Variants in AFF2 observed in about 807,000 individuals in gnomAD.
The protein encoded by AFF2 is ALF transcription elongation factor 2.
A neutral mutation model predicts 76.9 loss-of-function variants in AFF2; 14 were observed. The ratio of observed to expected loss-of-function variants is 0.18; its 90% CI spans 0.12 to 0.28. AFF2 has a LOEUF of 0.28. AFF2 is among the 10% of genes least tolerant of loss of function. The probability of loss-of-function intolerance (pLI) is 1.00; values close to 1 mark genes in which losing one functional copy is unlikely to be tolerated. For synonymous variants in AFF2, 398 were observed against 366.7 expected (o/e 1.09, Z -0.98); for missense variants, 868 against 1,001.1 (o/e 0.87, Z 1.79).
At chrX:148,669,505 C>A (rs1190587365) in intron 3 of AFF2, among the ~76,000 whole-genome samples, 1 of 111,812 alleles carries the variant, frequency 8.9e-6, no homozygotes, top group African/African-American at 3.3e-5. Context: ...GGAGGCCTCA[C>A]AATTGTAGCA....
At chrX:148,606,808 G>A (rs782627107) in intron 1 of AFF2, among the ~76,000 whole-genome samples, 2 of 111,821 alleles carry the variant, frequency 1.8e-5, no homozygotes, top group South Asian at 7.4e-4. Flanking sequence ...CAGCATAGGA[G>A]ACTCACACAG....
intron 1 of AFF2, among the ~76,000 whole-genome samples, chrX:148,635,108 A>G (rs912833479): frequency 1.8e-5 from 2 of 111,466 alleles, no homozygotes; most frequent in East Asian, 5.6e-4. Flanking sequence ...ATACACTACA[A>G]CACAAAAGGG....
chrX:148,505,961 G>C (rs1557232457), intron 1 of AFF2, among the ~76,000 whole-genome samples: 2 of 110,410 alleles, frequency 1.8e-5, no homozygotes, highest in Non-Finnish European at 3.8e-5. Context: ...GTGTCTGTGT[G>C]TGTGTGTGTG....
At position 148,997,209 on chromosome X, in the gene AFF2, C is replaced by T. The variant is rs185640541; in HGVS notation, c.*5877C>T. 10 of 111,580 alleles carry T rather than the reference C, an allele frequency of 9.0e-5. No individual in the cohort carries two copies. Among genetic ancestry groups the T allele is most frequent in the Admixed American group, 8.6e-4 (9 of 10,512 alleles). The allele number at this position is 111,580 out of a possible 1,213,427, so 9.2% of individuals were successfully genotyped here. A position where few individuals can be genotyped will look rare whatever the true frequency, so the allele number is the denominator to read the frequency against. ...AATCCAAACCAAAATAATTCTTTTT[C>T]CACCCAGTACGAAGAAAACTAAGCT... On this transcript the variant is annotated 3_prime_UTR_variant, in exon 21 of 21. Transcript: ENST00000370460.
intron 12 of AFF2, among the ~76,000 whole-genome samples, chrX:148,958,677 C>CT (rs1476134905): frequency 2.7e-5 from 3 of 111,608 alleles, no homozygotes; most frequent in African/African-American, 6.5e-5. Context: ...ACTCCATGAG[C>CT]TTTTAGCAAC....
chrX:148,996,436 A>G lies in AFF2; in HGVS notation c.*5104A>G, dbSNP rs189857586. On this transcript the variant is annotated 3_prime_UTR_variant, in exon 21 of 21. Coordinates refer to ENST00000370460, the MANE Select transcript of AFF2 (RefSeq NM_002025.4). Reference sequence around the variant, plus strand: ...TACCAACTGTGATGTCACTGAACACATGGTTGGAAAGAGATGCACGCAGTT... The same window carrying G: ...TACCAACTGTGATGTCACTGAACACGTGGTTGGAAAGAGATGCACGCAGTT... The G allele has an allele frequency of 2.7e-5, 3 of 112,725 alleles. No homozygotes were observed. The highest frequency in any genetic ancestry group is 9.7e-5 in the African/African-American group (3 of 31,008). The allele number at this position is 112,725 out of a possible 1,213,427, so 9.3% of individuals were successfully genotyped here.
intron 18 of AFF2, among the ~76,000 whole-genome samples, chrX:148,979,490 G>A (rs782730772): frequency 1.8e-5 from 2 of 111,661 alleles, no homozygotes; most frequent in Admixed American, 1.9e-4. Flanking sequence ...AACTTCAGTG[G>A]GCATCAGAAT....
At chrX:148,933,238 A>G (rs1557284594) in intron 9 of AFF2, among the ~76,000 whole-genome samples, 2 of 112,079 alleles carry the variant, frequency 1.8e-5, no homozygotes, top group Non-Finnish European at 3.8e-5. Flanking sequence ...GAAACAGTGA[A>G]GAAGATAGTT....
At chrX:148,801,213 T>C (rs2070054221) in intron 3 of AFF2, among the ~76,000 whole-genome samples, 1 of 111,997 alleles carries the variant, frequency 8.9e-6, no homozygotes, top group African/African-American at 3.2e-5. Flanking sequence ...TTAATCAGTG[T>C]TGGAAAAAGC....
chrX:148,688,268 T>G (rs1385317867), intron 3 of AFF2, among the ~76,000 whole-genome samples: 1 of 111,322 alleles, frequency 9.0e-6, no homozygotes, highest in African/African-American at 3.3e-5. Context: ...AAGAAAGAAG[T>G]CAAACCTCTG....
intron 1 of AFF2, among the ~76,000 whole-genome samples, chrX:148,587,828 C>T (rs1181480261): frequency 1.8e-5 from 2 of 112,375 alleles, no homozygotes; most frequent in African/African-American, 6.5e-5. Context: ...TAGAGATCTA[C>T]TCTCTGTTTT....
intron 3 of AFF2, among the ~76,000 whole-genome samples, chrX:148,803,566 G>A (rs782485888): frequency 3.2e-4 from 36 of 111,519 alleles, no homozygotes; most frequent in Non-Finnish European, 6.2e-4. Flanking sequence ...TGTTTTTGTC[G>A]AAGACTGTAA....
intron 1 of AFF2, among the ~76,000 whole-genome samples, chrX:148,538,281 C>A (rs1557236912): frequency 8.9e-6 from 1 of 112,361 alleles, no homozygotes; most frequent in East Asian, 2.8e-4. Context: ...ATTAGAGTCA[C>A]TGGACTGGTA....
chrX:148,816,101 G>A (rs1177220986), intron 4 of AFF2, among the ~76,000 whole-genome samples: 1 of 111,813 alleles, frequency 8.9e-6, no homozygotes, highest in East Asian at 2.8e-4. Context: ...AGAAGTAACA[G>A]CTTCCAACTG....
chrX:148,636,016 G>GAT (rs201822349), intron 1 of AFF2, among the ~76,000 whole-genome samples: 25 of 107,573 alleles, frequency 2.3e-4, no homozygotes, highest in South Asian at 8.1e-4. Flanking sequence ...TGAGTGTGTG[G>GAT]ATATATATAT....
At chrX:148,873,258 G>A (rs1244289866) in intron 7 of AFF2, among the ~76,000 whole-genome samples, 4 of 110,335 alleles carry the variant, frequency 3.6e-5, no homozygotes, top group African/African-American at 9.9e-5. Flanking sequence ...ACAGGGCCCT[G>A]ATAGGAGCCC....
intron 3 of AFF2, among the ~76,000 whole-genome samples, chrX:148,744,237 A>G (rs2055395571): frequency 9.0e-6 from 1 of 111,602 alleles, no homozygotes; most frequent in Non-Finnish European, 1.9e-5. Context: ...TTAAGTAGCA[A>G]TCTGCCTTGG....
At chrX:148,584,285 C>T (rs1008525036) in intron 1 of AFF2, among the ~76,000 whole-genome samples, 1 of 110,591 alleles carries the variant, frequency 9.0e-6, no homozygotes. Flanking sequence ...ATGTATTGGT[C>T]TCTTTACAAG....
chrX:148,902,448 G>T (rs1006555694), intron 8 of AFF2, among the ~76,000 whole-genome samples: 9 of 111,901 alleles, frequency 8.0e-5, no homozygotes, highest in Admixed American at 6.6e-4. Flanking sequence ...TTGCAAACCA[G>T]CCAGGCTTGG....
Sources: gnomAD v4.1 joint callset for allele counts (sites outside exome capture counted in the v4.1 genomes callset) on GRCh38, gnomAD v4.1.1 for gene constraint, MANE v1.5 for transcripts, NCBI Gene and HGNC (gene_info 2026-07-23, HGNC 2026-07-21) for gene names.